Variants in DIAPH2 observed in about 807,000 individuals in gnomAD.
DIAPH2 encodes the protein diaphanous related formin 2.
DIAPH2 carries 35 observed loss-of-function variants against 92.7 expected under a neutral mutation model. The ratio of observed to expected loss-of-function variants is 0.38; its 90% CI spans 0.29 to 0.50. The LOEUF is 0.50. Ranked by LOEUF, DIAPH2 falls within the 20% of genes least tolerant of loss-of-function variation. DIAPH2 has a pLI of 0.94. For synonymous variants in DIAPH2, 301 were observed against 280.4 expected, an observed-to-expected ratio of 1.07 and a Z score of -0.73; for missense variants, 701 against 819.5, an observed-to-expected ratio of 0.86 and a Z score of 1.77.
intron 17 of DIAPH2, among the ~76,000 whole-genome samples, chrX:96,987,981 T>C (rs1401569877): frequency 9.0e-6 from 1 of 111,022 alleles, no homozygotes; most frequent in Non-Finnish European, 1.9e-5. Flanking sequence ...CTTGGAAATG[T>C]ATTTTTTATT....
chrX:96,947,436 C>T (rs936220229), intron 14 of DIAPH2, among the ~76,000 whole-genome samples: 1 of 110,828 alleles, frequency 9.0e-6, no homozygotes, highest in African/African-American at 3.3e-5. Context: ...AGTAGGAAAA[C>T]GAGGTCATTG....
At chrX:97,440,643 A>AT (rs1182527425) in intron 26 of DIAPH2, among the ~76,000 whole-genome samples, 1 of 107,874 alleles carries the variant, frequency 9.3e-6, no homozygotes, top group Non-Finnish European at 1.9e-5. Flanking sequence ...GGTATTGATT[A>AT]TGGAGATATG....
At chrX:97,334,462 C>CAAAAAAA (rs757170646) in intron 23 of DIAPH2, among the ~76,000 whole-genome samples, 23 of 32,595 alleles carry the variant, frequency 7.1e-4, no homozygotes, top group Middle Eastern at 0.018. Flanking sequence ...GACTCCGTCT[C>CAAAAAAA]AAAAAAAAAA....
chrX:96,700,577 G>T lies in DIAPH2; in HGVS notation c.132+15387G>T, dbSNP rs186886714. On this transcript the variant is annotated intron_variant, in intron 1 of 26. Transcript: ENST00000324765. ...AGAGGCATCTCCTGACTGTGTTGCA[G>T]TTCTACTAAAAACTGCATAACACCT... 6.2e-5 allele frequency among the ~76,000 whole-genome samples: 7 copies of T among 112,462 alleles called. No homozygotes were observed. The East Asian group carries it at 8.4e-4, about 14-fold the overall frequency.
chrX:96,773,244 C>CCCCCA lies in DIAPH2; in HGVS notation c.447+14988_447+14989insCCACC, dbSNP rs1556143661. 7.5e-4 allele frequency among the ~76,000 whole-genome samples: 65 copies of CCCCCA among 86,491 alleles called. 1 individual carries two copies. The highest frequency in any genetic ancestry group is 2.5e-3 in the African/African-American group (61 of 24,604). 75.1% of individuals were successfully genotyped at this position (86,491 alleles called of 115,157 possible). ...GTTACCGGCTGAATTGTTTCCCCCC[C>CCCCCA]CCTCCCGCCCTCCCCAAATTTGTAT... On this transcript the variant is annotated intron_variant, in intron 4 of 26. Transcript: ENST00000324765.
At position 97,567,174 on chromosome X, in the gene DIAPH2, C is replaced by T. The variant is rs929592047; in HGVS notation, c.3242-32079C>T. 2.7e-5 allele frequency among the ~76,000 whole-genome samples: 3 copies of T among 111,930 alleles called. No individual in the cohort carries two copies. In the Admixed American group the frequency reaches 2.8e-4, roughly 11 times the overall value. On this transcript the variant is annotated intron_variant, in intron 26 of 26. Coordinates refer to ENST00000324765, the MANE Select transcript of DIAPH2 (RefSeq NM_006729.5). ...CAAGGACTTAATTGAAGTTGTACTT[C>T]CCTTCTTTATCTACTGTAAGTCTGA...
At chrX:97,575,633 A>T (rs2147876526) in intron 26 of DIAPH2, among the ~76,000 whole-genome samples, 1 of 112,117 alleles carries the variant, frequency 8.9e-6, no homozygotes, top group East Asian at 2.8e-4. Flanking sequence ...ATGAAAGGAA[A>T]TGAAATCAGT....
intron 26 of DIAPH2, among the ~76,000 whole-genome samples, chrX:97,445,135 TG>T (rs1428386594): frequency 2.7e-5 from 3 of 110,307 alleles, no homozygotes; most frequent in South Asian, 7.8e-4. Context: ...ATTGAAATAA[TG>T]TTTTTTTGTT....
chrX:96,962,995 C>T (rs1428234424), intron 16 of DIAPH2, among the ~76,000 whole-genome samples: 1 of 111,616 alleles, frequency 9.0e-6, no homozygotes, highest in Non-Finnish European at 1.9e-5. Context: ...GTAGGACTTC[C>T]TTAAGCATTT....
chrX:97,376,449 CA>C (rs1602546981), intron 24 of DIAPH2, among the ~76,000 whole-genome samples: 2 of 111,779 alleles, frequency 1.8e-5, no homozygotes, highest in Admixed American at 1.9e-4. Flanking sequence ...ATTTTCATAT[CA>C]AAAAGAATTC....
chrX:97,534,771 T>G (rs1221189257), intron 26 of DIAPH2, among the ~76,000 whole-genome samples: 1 of 111,497 alleles, frequency 9.0e-6, no homozygotes, highest in African/African-American at 3.3e-5. Flanking sequence ...TCTAATGCCT[T>G]TTGGATAAAC....
chrX:96,848,808 G>A (rs2064989324), intron 4 of DIAPH2, among the ~76,000 whole-genome samples: 1 of 112,182 alleles, frequency 8.9e-6, no homozygotes, highest in Non-Finnish European at 1.9e-5. Flanking sequence ...ATGATAAAAT[G>A]CATTTATCTT....
chrX:96,769,987 C>A (rs2064328150), intron 4 of DIAPH2, among the ~76,000 whole-genome samples: 1 of 111,566 alleles, frequency 9.0e-6, no homozygotes, highest in South Asian at 3.8e-4. Flanking sequence ...CACTTGAGGT[C>A]AGGAGTTCAA....
At chrX:97,178,597 C>T (rs925829674) in intron 22 of DIAPH2, among the ~76,000 whole-genome samples, 3 of 108,240 alleles carry the variant, frequency 2.8e-5, no homozygotes, top group South Asian at 4.2e-4. Flanking sequence ...GGATTACAGG[C>T]GCCCACCATC....
chrX:97,140,404 G>A (rs5921419), intron 21 of DIAPH2, among the ~76,000 whole-genome samples: 5,442 of 110,975 alleles, frequency 0.049, 116 homozygotes, highest in Non-Finnish European at 0.068. Context: ...CTTGAGTTGT[G>A]TCATTTCTAC....
At chrX:97,488,852 T>C (rs893220584) in intron 26 of DIAPH2, among the ~76,000 whole-genome samples, 1 of 111,938 alleles carries the variant, frequency 8.9e-6, no homozygotes, top group Non-Finnish European at 1.9e-5. Flanking sequence ...TTGCTGAAGG[T>C]TTGTAATATA....
intron 17 of DIAPH2, among the ~76,000 whole-genome samples, chrX:96,980,998 CAAAAAAA>C (rs1204120424): frequency 7.3e-4 from 33 of 45,514 alleles, no homozygotes; most frequent in Admixed American, 2.2e-3. Context: ...CCATCTCTAC[CAAAAAAA>C]AAAAAAAAAA....
chrX:96,866,002 G>A (rs1051487328), intron 4 of DIAPH2, among the ~76,000 whole-genome samples: 5 of 112,202 alleles, frequency 4.5e-5, no homozygotes, highest in African/African-American at 1.3e-4. Context: ...GTGGTCTTAA[G>A]TAGCAGACTA....
intron 24 of DIAPH2, among the ~76,000 whole-genome samples, chrX:97,349,054 A>ATATGTGTGTATATATATGTGTATT (rs1311171408): frequency 2.0e-5 from 2 of 100,105 alleles, no homozygotes; most frequent in African/African-American, 7.5e-5. Flanking sequence ...ATGTGTATTT[A>ATATGTGTGTATATATATGTGTATT]TATATGTGTG....
Sources: gnomAD v4.1 joint callset for allele counts (sites outside exome capture counted in the v4.1 genomes callset) on GRCh38, gnomAD v4.1.1 for gene constraint, MANE v1.5 for transcripts, NCBI Gene and HGNC (gene_info 2026-07-23, HGNC 2026-07-21) for gene names.